TMPRSS7: variants seen among roughly 807,000 people sequenced by gnomAD.
TMPRSS7 encodes the protein transmembrane protease serine 7.
A neutral mutation model predicts 95.6 loss-of-function variants in TMPRSS7; 81 were observed. The ratio of observed to expected loss-of-function variants is 0.85; its 90% CI spans 0.71 to 1.02. The LOEUF is 1.02. Ranked by LOEUF, TMPRSS7 falls within the 50% of genes least tolerant of loss-of-function variation. The probability of loss-of-function intolerance (pLI) is 0.00; values close to 1 mark genes in which losing one functional copy is unlikely to be tolerated. For synonymous variants in TMPRSS7, 364 were observed against 337.8 expected (o/e 1.08, Z -0.85); for missense variants, 945 against 955.2 (o/e 0.99, Z 0.14).
At chr3:112,038,261 T>C (rs2073169665) in exon 2 of TMPRSS7, 1 of 702,998 alleles carries the variant, frequency 1.4e-6, no homozygotes. Flanking sequence ...AATCATTCTC[T>C]TCACAGTATT....
At chr3:112,081,269 GAAAAAA>G (rs764048802), downstream of TMPRSS7, 7 of 119,002 alleles carry the variant, frequency 5.9e-5, no homozygotes, top group South Asian at 2.7e-4. Flanking sequence ...TGTCTCTACT[GAAAAAA>G]AAAAAAAAAA....
intron 8 of TMPRSS7, 58 bp downstream of exon 8, chr3:112,050,032 A>C: frequency 1.4e-6 from 2 of 1,457,314 alleles, no homozygotes; most frequent in East Asian, 2.3e-5. Flanking sequence ...ATGATAGGCT[A>C]TTCTTATCTT....
intron 11 of TMPRSS7, among the ~76,000 whole-genome samples, chr3:112,063,199 C>T (rs370519725): frequency 1.3e-5 from 2 of 152,088 alleles, no homozygotes; most frequent in Admixed American, 6.5e-5. Flanking sequence ...TAGGTATGTT[C>T]CAACTTTCAC....
chr3:112,061,420 A>G (rs1193247353), intron 10 of TMPRSS7, among the ~76,000 whole-genome samples: 1 of 152,178 alleles, frequency 6.6e-6, no homozygotes, highest in Non-Finnish European at 1.5e-5. Context: ...AATGAACTCC[A>G]CTTTGCTTGG....
chr3:112,065,470 G>A (rs576602450), intron 12 of TMPRSS7, among the ~76,000 whole-genome samples: 2 of 152,158 alleles, frequency 1.3e-5, no homozygotes, highest in African/African-American at 4.8e-5. Context: ...TAATGACTGA[G>A]TTTTTTTACA....
At chr3:112,058,624 T>G (rs1255042901) in intron 10 of TMPRSS7, among the ~76,000 whole-genome samples, 3 of 152,226 alleles carry the variant, frequency 2.0e-5, no homozygotes, top group East Asian at 3.8e-4. Context: ...TTAAAGATAC[T>G]GCATTTTGGT....
intron 3 of TMPRSS7, among the ~76,000 whole-genome samples, chr3:112,043,233 T>C (rs539598228): frequency 6.6e-6 from 1 of 152,298 alleles, no homozygotes; most frequent in South Asian, 2.1e-4. Flanking sequence ...GCCACAAACC[T>C]GGACGGCATG....
Position 112,047,028 on chromosome 3 carries a change from T to G in TMPRSS7, c.730+16T>G. On this transcript the variant is annotated intron_variant, in intron 6 of 17. Transcript: ENST00000452346. ...ATAGGATCTGGTAAATTCTTTCATG[T>G]GGTTCCCCCTCCCCCCATGTTAATA... 1 of 702,558 alleles carries G rather than the reference T, an allele frequency of 1.4e-6. No individual in the cohort carries two copies. Among genetic ancestry groups the G allele is most frequent in the Non-Finnish European group, 2.6e-6 (1 of 384,818 alleles). The allele number at this position is 702,558 out of a possible 1,614,324, so 43.5% of individuals were successfully genotyped here. A position where few individuals can be genotyped will look rare whatever the true frequency, so the allele number is the denominator to read the frequency against.
At chr3:112,045,893 T>C (rs2073272808) in exon 5 of TMPRSS7, 1 of 1,551,738 alleles carries the variant, frequency 6.4e-7, no homozygotes, top group Non-Finnish European at 8.7e-7. Context: ...CGGACCTCTG[T>C]GGGGAGCTTG....
At chr3:112,041,889 C>G (rs1388106740) in intron 2 of TMPRSS7, 31 bp from the exon 3 acceptor site, 5 of 1,402,294 alleles carry the variant, frequency 3.6e-6, no homozygotes, top group South Asian at 1.2e-5. Context: ...GATGGGAAAG[C>G]CTCCGAATCT....
intron 9 of TMPRSS7, among the ~76,000 whole-genome samples, chr3:112,054,191 A>G (rs1465304029): frequency 6.6e-6 from 1 of 152,178 alleles, no homozygotes; most frequent in African/African-American, 2.4e-5. Flanking sequence ...CCACTGGCAA[A>G]TTAGGGGTGG....
At chr3:112,048,059 A>C (rs2073301759) in intron 7 of TMPRSS7, 92 bp downstream of exon 7, 1 of 1,290,452 alleles carries the variant, frequency 7.7e-7, no homozygotes, top group South Asian at 1.4e-5. Context: ...TTTTTTTAAA[A>C]ACAGTTTTTG....
intron 2 of TMPRSS7, among the ~76,000 whole-genome samples, chr3:112,040,148 C>G (rs1361912669): frequency 6.6e-6 from 1 of 151,944 alleles, no homozygotes; most frequent in African/African-American, 2.4e-5. Flanking sequence ...GACTTTCAGG[C>G]AAAGAATGAA....
intron 10 of TMPRSS7, 126 bp from the exon 11 acceptor site, chr3:112,061,661 A>G: frequency 6.1e-6 from 6 of 990,522 alleles, no homozygotes; most frequent in Non-Finnish European, 8.7e-6. Context: ...AACTACCATT[A>G]GCTCTACCAT....
intron 2 of TMPRSS7, among the ~76,000 whole-genome samples, chr3:112,040,604 A>T (rs9840207): frequency 6.6e-6 from 1 of 151,970 alleles, no homozygotes; most frequent in Non-Finnish European, 1.5e-5. Context: ...CAGAACAAAG[A>T]AGCTTATTTG....
At chr3:112,049,033 GC>G (rs2073313563) in intron 7 of TMPRSS7, among the ~76,000 whole-genome samples, 1 of 152,142 alleles carries the variant, frequency 6.6e-6, no homozygotes, top group Non-Finnish European at 1.5e-5. Flanking sequence ...AAAAGGAAAA[GC>G]CCGGTCACTC....
chr3:112,062,420 G>C (rs908161399), intron 11 of TMPRSS7, among the ~76,000 whole-genome samples: 2 of 152,178 alleles, frequency 1.3e-5, no homozygotes, highest in South Asian at 4.1e-4. Flanking sequence ...CTGGAAGAGC[G>C]GCCAGGAAGT....
At chr3:112,052,251 C>T (rs554223167) in intron 9 of TMPRSS7, among the ~76,000 whole-genome samples, 3 of 151,922 alleles carry the variant, frequency 2.0e-5, no homozygotes, top group Non-Finnish European at 2.9e-5. Context: ...GGGACATTTG[C>T]GGATAAACCT....
At chr3:112,066,299 TG>T in intron 12 of TMPRSS7, 92 bp from the exon 13 acceptor site, 1 of 1,040,472 alleles carries the variant, frequency 9.6e-7, no homozygotes, top group Non-Finnish European at 1.4e-6. Flanking sequence ...GTCATCCTAA[TG>T]ATTTGTACCT....
Sources: allele counts gnomAD v4.1 joint callset (sites outside exome capture counted in the v4.1 genomes callset), GRCh38; gene constraint gnomAD v4.1.1; transcripts MANE v1.5; gene names NCBI Gene and HGNC (gene_info 2026-07-23, HGNC 2026-07-21).